Variants in SH3RF3 observed in about 807,000 individuals in gnomAD.
The protein encoded by SH3RF3 is E3 ubiquitin-protein ligase SH3RF3.
In SH3RF3, 29 loss-of-function variants were observed where a neutral mutation model predicts 66.3. The ratio of observed to expected loss-of-function variants is 0.44; its 90% CI spans 0.33 to 0.60. SH3RF3 has a LOEUF of 0.60. Among genes scored for constraint, SH3RF3 ranks in the 20% least tolerant of loss-of-function variants. The probability of loss-of-function intolerance (pLI) is 0.04; values close to 1 mark genes in which losing one functional copy is unlikely to be tolerated. For synonymous variants in SH3RF3, 583 were observed against 532.0 expected (o/e 1.10, Z -1.32); for missense variants, 1,194 against 1,190.9 (o/e 1.00, Z -0.04).
intron 4 of SH3RF3, among the ~76,000 whole-genome samples, chr2:109,402,149 G>C (rs1361799977): frequency 6.6e-6 from 1 of 152,248 alleles, no homozygotes; most frequent in African/African-American, 2.4e-5. Flanking sequence ...GTCTGGATGT[G>C]CCCAGAGACC....
chr2:109,296,243 T>C (rs931917148), intron 1 of SH3RF3, among the ~76,000 whole-genome samples: 3 of 151,986 alleles, frequency 2.0e-5, no homozygotes, highest in African/African-American at 7.3e-5. Context: ...TTATTATTAT[T>C]CGAGATGGAG....
chr2:109,327,452 A>G (rs1467924518), intron 1 of SH3RF3, among the ~76,000 whole-genome samples: 1 of 152,276 alleles, frequency 6.6e-6, no homozygotes, highest in South Asian at 2.1e-4. Flanking sequence ...TAGCAGGGCA[A>G]GGACTTTCAC....
At chr2:109,225,365 C>T (rs736505) in intron 1 of SH3RF3, among the ~76,000 whole-genome samples, 24,633 of 152,196 alleles carry the variant, frequency 0.16, 3,938 homozygotes, top group African/African-American at 0.4. Context: ...TGTGGGTTTC[C>T]GGGCTCCGCT....
At chr2:109,349,009 G>C (rs1033979754) in intron 2 of SH3RF3, among the ~76,000 whole-genome samples, 1 of 152,064 alleles carries the variant, frequency 6.6e-6, no homozygotes, top group Non-Finnish European at 1.5e-5. Flanking sequence ...GTGTCTCTCT[G>C]TGTCAGTATT....
At chr2:109,399,399 T>TA (rs1163452215) in intron 4 of SH3RF3, among the ~76,000 whole-genome samples, 2 of 152,210 alleles carry the variant, frequency 1.3e-5, no homozygotes, top group African/African-American at 4.8e-5. Context: ...GTACTTTCGT[T>TA]ACTGTTGTTT....
At chr2:109,384,709 T>G (rs1675778750) in intron 3 of SH3RF3, among the ~76,000 whole-genome samples, 1 of 152,112 alleles carries the variant, frequency 6.6e-6, no homozygotes, top group South Asian at 2.1e-4. Flanking sequence ...TTTGCTGAGG[T>G]GAACTTTGAT....
chr2:109,335,505 A>C (rs1215249606), intron 1 of SH3RF3, among the ~76,000 whole-genome samples: 2 of 152,138 alleles, frequency 1.3e-5, no homozygotes, highest in Non-Finnish European at 2.9e-5. Context: ...CGTGTCCCTC[A>C]GTTACCTTCT....
At position 109,285,141 on chromosome 2, in the gene SH3RF3, CAGTG is replaced by C. The variant is rs367931740; in HGVS notation, c.574-62530_574-62527del. Among the ~76,000 whole-genome samples, 60 of 152,318 alleles carry C rather than the reference CAGTG, an allele frequency of 3.9e-4. No homozygotes were observed. The East Asian group carries it at 0.01, about 26-fold the overall frequency. ...AGCCCAGGGTCTGGAGTAGGGGTGA[CAGTG>C]AGGCTTTCTATGGAAGCTGCTTTAA... is the stretch of plus-strand genomic sequence containing the variant. On this transcript the variant is annotated intron_variant, in intron 1 of 9. Coordinates refer to ENST00000309415, the MANE Select transcript of SH3RF3 (RefSeq NM_001099289.3).
At chr2:109,375,170 G>A (rs1312616185) in intron 3 of SH3RF3, among the ~76,000 whole-genome samples, 1 of 152,238 alleles carries the variant, frequency 6.6e-6, no homozygotes, top group Admixed American at 6.5e-5. Flanking sequence ...CTGCCCCTGG[G>A]CACTGACCCC....
At chr2:109,195,134 A>T (rs969871019) in intron 1 of SH3RF3, among the ~76,000 whole-genome samples, 2 of 152,216 alleles carry the variant, frequency 1.3e-5, no homozygotes, top group African/African-American at 4.8e-5. Flanking sequence ...GATGGATAAA[A>T]ACTAATAGGA....
intron 1 of SH3RF3, among the ~76,000 whole-genome samples, chr2:109,162,482 T>G (rs1295693228): frequency 1.3e-5 from 2 of 152,262 alleles, no homozygotes; most frequent in African/African-American, 2.4e-5. Context: ...GTTACCTATG[T>G]ATACATGTGC....
At chr2:109,412,355 C>G (rs954312425) in intron 4 of SH3RF3, among the ~76,000 whole-genome samples, 4 of 152,268 alleles carry the variant, frequency 2.6e-5, no homozygotes, top group African/African-American at 9.6e-5. Context: ...GCAGGCCACC[C>G]TCCCAGTGTG....
intron 1 of SH3RF3, among the ~76,000 whole-genome samples, chr2:109,249,203 C>G (rs60038350): frequency 0.24 from 36,921 of 152,144 alleles, 4,921 homozygotes; most frequent in East Asian, 0.46. Context: ...TCGTTAACTT[C>G]AGCTAAGCAA....
At chr2:109,454,921 A>G in intron 8 of SH3RF3, among the ~76,000 whole-genome samples, 1 of 152,112 alleles carries the variant, frequency 6.6e-6, no homozygotes, top group East Asian at 1.9e-4. Context: ...TTTATGGGCC[A>G]GAAAAAAAAA....
At chr2:109,259,958 G>A (rs368573218) in intron 1 of SH3RF3, among the ~76,000 whole-genome samples, 4 of 152,250 alleles carry the variant, frequency 2.6e-5, no homozygotes, top group African/African-American at 7.2e-5. Context: ...GTTCTCAGAC[G>A]CCCAGGGGTT....
chr2:109,400,351 C>G (rs1370688128), intron 4 of SH3RF3, among the ~76,000 whole-genome samples: 1 of 151,978 alleles, frequency 6.6e-6, no homozygotes, highest in African/African-American at 2.4e-5. Flanking sequence ...TGTGCACTTA[C>G]ATACACCGCC....
chr2:109,144,478 T>A (rs1677044624), intron 1 of SH3RF3, among the ~76,000 whole-genome samples: 2 of 152,218 alleles, frequency 1.3e-5, no homozygotes, highest in African/African-American at 4.8e-5. Flanking sequence ...GTCTGAAGGC[T>A]CACGCCCAGC....
chr2:109,324,623 A>G (rs1682105106), intron 1 of SH3RF3, among the ~76,000 whole-genome samples: 1 of 152,244 alleles, frequency 6.6e-6, no homozygotes, highest in Admixed American at 6.5e-5. Flanking sequence ...AGCCCTTTGA[A>G]GACAGTATTT....
intron 1 of SH3RF3, among the ~76,000 whole-genome samples, chr2:109,272,622 A>G (rs1450619816): frequency 6.6e-6 from 1 of 152,230 alleles, no homozygotes; most frequent in East Asian, 1.9e-4. Flanking sequence ...TGGTGAGCAC[A>G]TGCTTCCGCA....
Sources: allele counts gnomAD v4.1 joint callset (sites outside exome capture counted in the v4.1 genomes callset), GRCh38; gene constraint gnomAD v4.1.1; transcripts MANE v1.5; gene names NCBI Gene and HGNC (gene_info 2026-07-23, HGNC 2026-07-21).